The following SP2 variants were observed in gnomAD, a reference collection of about 807,000 sequenced individuals.
SP2 encodes the protein Sp2 transcription factor, also known as transcription factor Sp2.
Under a neutral mutation model 50.1 loss-of-function variants are expected in SP2, and 9 were observed. That is an observed-to-expected ratio of 0.18 (90% CI 0.11 to 0.31). The LOEUF is 0.31. SP2 is among the 10% of genes least tolerant of loss of function. The probability of loss-of-function intolerance (pLI) is 1.00; values close to 1 mark genes in which losing one functional copy is unlikely to be tolerated. For synonymous variants in SP2, 313 were observed against 326.6 expected (o/e 0.96, Z 0.45); for missense variants, 581 against 806.5 (o/e 0.72, Z 3.39).
At chr17:47,922,830 T>C in intron 3 of SP2, 132 bp from the exon 4 acceptor site, 1 of 738,946 alleles carries the variant, frequency 1.4e-6, no homozygotes. Context: ...TGTGTATAAA[T>C]GTAGGTTTGG....
chr17:47,897,393 CA>C (rs2034383664), intron 1 of SP2: 2 of 152,234 alleles, frequency 1.3e-5, no homozygotes, highest in African/African-American at 4.8e-5. Context: ...TGCATTCTCC[CA>C]AAGTTCTTTC....
At chr17:47,915,230 G>GA in intron 1 of SP2, 82 bp from the exon 2 acceptor site, 5 of 963,760 alleles carry the variant, frequency 5.2e-6, no homozygotes, top group South Asian at 3.3e-5. Context: ...AAAAAAAATA[G>GA]AAAAAAAGAA....
downstream of SP2, among the ~76,000 whole-genome samples, chr17:47,931,018 C>G (rs1384504677): frequency 1.3e-5 from 2 of 152,012 alleles, no homozygotes; most frequent in Non-Finnish European, 2.9e-5. Flanking sequence ...CTTCCTTGCC[C>G]TTCCTTCAGA....
At position 47,915,334 on chromosome 17, in the gene SP2, C is replaced by T. The variant is rs139803722; in HGVS notation, c.30C>T (p.Ala10=). ...CAGATCCACAGACCAGCATGGCTGC[C>T]ACTGCTGCTGTGAGTCCCAGTGACT... The part of the protein sequence containing the change: MSDPQTSMA[A]TAAVSPSDYL... Residue 10 remains alanine, a synonymous_variant, in exon 2 of 7, where the codon GCC becomes GCT. Coordinates refer to ENST00000376741, the MANE Select transcript of SP2 (RefSeq NM_003110.6). The T allele has an allele frequency of 1.9e-6, 3 of 1,612,800 alleles. No individual in the cohort carries two copies. The African/African-American group carries it at 4.0e-5, about 22-fold the overall frequency.
At chr17:47,919,147 A>C (rs1216926289) in intron 3 of SP2, among the ~76,000 whole-genome samples, 1 of 152,226 alleles carries the variant, frequency 6.6e-6, no homozygotes, top group Non-Finnish European at 1.5e-5. Context: ...GAGGTAGTTT[A>C]TGCCTGTAAT....
chr17:47,900,896 T>C (rs1453840213), intron 1 of SP2, among the ~76,000 whole-genome samples: 1 of 152,232 alleles, frequency 6.6e-6, no homozygotes, highest in Non-Finnish European at 1.5e-5. Flanking sequence ...CTTCTTTTTT[T>C]TCTCCTGTTC....
chr17:47,899,085 T>C (rs1002556482), intron 1 of SP2: 2 of 152,268 alleles, frequency 1.3e-5, no homozygotes, highest in African/African-American at 4.8e-5. Flanking sequence ...GTGCAACTCC[T>C]TGTATGACGT....
intron 1 of SP2, among the ~76,000 whole-genome samples, chr17:47,908,895 C>T (rs1355564367): frequency 6.6e-6 from 1 of 152,186 alleles, no homozygotes; most frequent in Non-Finnish European, 1.5e-5. Flanking sequence ...CAACTTCCCA[C>T]CCCATCTCAA....
intron 3 of SP2, among the ~76,000 whole-genome samples, 153 bp from the exon 4 acceptor site, chr17:47,922,809 C>T (rs1385325717): frequency 1.3e-5 from 2 of 152,168 alleles, no homozygotes; most frequent in Admixed American, 6.6e-5. Flanking sequence ...AGCCATTTGT[C>T]GAGCATTAGC....
chr17:47,919,871 G>A (rs903752841), intron 3 of SP2, among the ~76,000 whole-genome samples: 1 of 125,012 alleles, frequency 8.0e-6, no homozygotes, highest in Non-Finnish European at 1.6e-5. Context: ...ACAGGGTCTC[G>A]TTCTGTCACC....
At chr17:47,917,713 C>T (rs2035270400) in intron 3 of SP2, 2 of 402,108 alleles carry the variant, frequency 5.0e-6, no homozygotes, top group Non-Finnish European at 1.0e-5. Flanking sequence ...CTCCTGGGCT[C>T]AAGCAATCCT....
chr17:47,922,055 C>G (rs1173684744), intron 3 of SP2, among the ~76,000 whole-genome samples: 1 of 152,192 alleles, frequency 6.6e-6, no homozygotes, highest in African/African-American at 2.4e-5. Flanking sequence ...TAATTCCCAT[C>G]TAGCACCACA....
intron 1 of SP2, among the ~76,000 whole-genome samples, chr17:47,912,174 C>G (rs567329656): frequency 6.6e-6 from 1 of 152,250 alleles, no homozygotes; most frequent in African/African-American, 2.4e-5. Context: ...TGTGGTCACT[C>G]CTTCCTTTCC....
rs771569542 is a variant in SP2, at chr17:47,923,269, C to G, written c.1367C>G (p.Thr456Arg). 1 of 1,600,176 alleles carries G rather than the reference C, an allele frequency of 6.2e-7. No homozygotes were observed. The highest frequency in any genetic ancestry group is 1.3e-5 in the African/African-American group (1 of 74,896). The change falls in exon 4 of 7, where the codon ACA becomes AGA. Residue 456 changes from threonine (T) to arginine (R), a missense_variant. Physicochemically the swap from Thr to Arg is moderately conservative, Grantham distance 71. Coordinates refer to ENST00000376741, the MANE Select transcript of SP2 (RefSeq NM_003110.6). ...GGCGTGCCTGTCACCATCACCAACA[C>G]AGGCGGTGAGGATGGCCCCTGTGGC... is the stretch of plus-strand genomic sequence containing the variant. ...VQGVPVTITN[T>R]GGQQQLTVQN...
chr17:47,920,833 C>T (rs1160081750), intron 3 of SP2, among the ~76,000 whole-genome samples: 1 of 152,124 alleles, frequency 6.6e-6, no homozygotes, highest in Non-Finnish European at 1.5e-5. Flanking sequence ...GTATACAATT[C>T]AGTGATTTTT....
chr17:47,901,550 G>A (rs2034544330), intron 1 of SP2, among the ~76,000 whole-genome samples: 1 of 152,162 alleles, frequency 6.6e-6, no homozygotes, highest in Admixed American at 6.5e-5. Flanking sequence ...GCATGTCAAT[G>A]GAGAGAAGCA....
chr17:47,911,733 A>G (rs1798345079), intron 1 of SP2, among the ~76,000 whole-genome samples: 2 of 150,686 alleles, frequency 1.3e-5, no homozygotes, highest in South Asian at 4.3e-4. Context: ...TGAACCCGGG[A>G]GGCGGAGCTT....
intron 3 of SP2, chr17:47,917,689 A>ACAG: frequency 3.3e-6 from 1 of 305,782 alleles, no homozygotes; most frequent in Non-Finnish European, 6.6e-6. Context: ...TGATGCGGTC[A>ACAG]CTACAGTCTT....
chr17:47,929,825 G>A (rs553397823), downstream of SP2: 7 of 152,618 alleles, frequency 4.6e-5, no homozygotes, highest in Admixed American at 2.6e-4. Context: ...ACTCACCCTC[G>A]AAAGGACACA....
Sources: gnomAD v4.1 joint callset for allele counts (sites outside exome capture counted in the v4.1 genomes callset) on GRCh38, gnomAD v4.1.1 for gene constraint, MANE v1.5 for transcripts, NCBI Gene and HGNC (gene_info 2026-07-23, HGNC 2026-07-21) for gene names.